The following XKR4 variants were observed in gnomAD, a reference collection of about 807,000 sequenced individuals.
The protein encoded by XKR4 is XK-related protein 4.
XKR4 carries 12 observed loss-of-function variants against 53.9 expected under a neutral mutation model. That is an observed-to-expected ratio of 0.22 (90% CI 0.14 to 0.36). The LOEUF is 0.36. XKR4 is among the 10% of genes least tolerant of loss of function. The probability of loss-of-function intolerance (pLI) is 1.00; values close to 1 mark genes in which losing one functional copy is unlikely to be tolerated. For missense variants in XKR4, 799 were observed against 859.5 expected (o/e 0.93, Z 0.88); for synonymous variants, 354 against 362.4 (o/e 0.98, Z 0.26).
chr8:55,451,895 C>G, intron 2 of XKR4: 1 of 837,502 alleles, frequency 1.2e-6, no homozygotes, highest in South Asian at 1.5e-5. Flanking sequence ...TCCAGCTCTT[C>G]CGACACTGAG....
At chr8:55,420,139 ATAGAT>A (rs1320570942) in intron 2 of XKR4, among the ~76,000 whole-genome samples, 5 of 152,044 alleles carry the variant, frequency 3.3e-5, no homozygotes, top group African/African-American at 1.2e-4. Context: ...CTACTGTCTT[ATAGAT>A]TAAATCTTTC....
intron 1 of XKR4, among the ~76,000 whole-genome samples, chr8:55,171,619 C>A (rs1201934664): frequency 1.3e-5 from 2 of 152,086 alleles, no homozygotes; most frequent in African/African-American, 2.4e-5. Context: ...CAAGATGAAT[C>A]CCTTCACCCT....
intron 2 of XKR4, among the ~76,000 whole-genome samples, chr8:55,398,054 T>A (rs1804547525): frequency 6.6e-6 from 1 of 152,222 alleles, no homozygotes; most frequent in South Asian, 2.1e-4. Context: ...AGAAATGTGA[T>A]AACAGATACA....
chr8:55,229,782 C>G (rs1404047815), intron 1 of XKR4, among the ~76,000 whole-genome samples: 1 of 152,154 alleles, frequency 6.6e-6, no homozygotes, highest in Admixed American at 6.5e-5. Context: ...GAAGCTTAGT[C>G]CTGCATTGCC....
chr8:55,337,303 A>G lies in XKR4; in HGVS notation c.807-20375A>G, dbSNP rs150667929. On this transcript the variant is annotated intron_variant, in intron 1 of 2. Transcript: ENST00000327381. ...GCTGGACCCTTGAAGAGAGTGCCCCATTAATCAAGTCATGGGGTTTTGTTT... is the reference window on the plus strand; with the variant it reads ...GCTGGACCCTTGAAGAGAGTGCCCCGTTAATCAAGTCATGGGGTTTTGTTT... 8.1e-3 allele frequency among the ~76,000 whole-genome samples: 1,233 copies of G among 152,320 alleles called. 11 individuals are homozygous for G. Among genetic ancestry groups the G allele is most frequent in the Middle Eastern group, 0.054 (16 of 294 alleles).
At chr8:55,197,644 C>T (rs976697548) in intron 1 of XKR4, among the ~76,000 whole-genome samples, 5 of 151,522 alleles carry the variant, frequency 3.3e-5, no homozygotes, top group African/African-American at 9.7e-5. Context: ...CCTGGGTTCA[C>T]GCCATTCTCC....
chr8:55,253,978 C>G (rs1031843011), intron 1 of XKR4, among the ~76,000 whole-genome samples: 3 of 151,910 alleles, frequency 2.0e-5, no homozygotes, highest in South Asian at 2.1e-4. Context: ...GCCTGGCCCC[C>G]CAAAGTGCTG....
At chr8:55,452,977 G>GCTTCTCA in intron 2 of XKR4, 1 of 714,614 alleles carries the variant, frequency 1.4e-6, no homozygotes, top group Middle Eastern at 2.4e-4. Flanking sequence ...CTCAGGGATG[G>GCTTCTCA]CCACAGGCAC....
chr8:55,444,626 C>G (rs2939628), intron 2 of XKR4, among the ~76,000 whole-genome samples: 108,651 of 152,150 alleles, frequency 0.71, 39,233 homozygotes, highest in African/African-American at 0.83. Context: ...GAATATACAT[C>G]AAAATCATTT....
At chr8:55,297,531 G>A (rs911440712) in intron 1 of XKR4, among the ~76,000 whole-genome samples, 2 of 152,136 alleles carry the variant, frequency 1.3e-5, no homozygotes, top group African/African-American at 4.8e-5. Context: ...CATATAATCT[G>A]GCCATGACCT....
At chr8:55,361,849 G>A (rs979387356) in intron 2 of XKR4, among the ~76,000 whole-genome samples, 3 of 151,846 alleles carry the variant, frequency 2.0e-5, no homozygotes, top group Admixed American at 6.6e-5. Flanking sequence ...GAATATTCTC[G>A]TCCCCTCACT....
At chr8:55,360,254 C>T (rs993370988) in intron 2 of XKR4, among the ~76,000 whole-genome samples, 7 of 152,282 alleles carry the variant, frequency 4.6e-5, no homozygotes, top group South Asian at 2.1e-4. Flanking sequence ...CTCCAGCCAA[C>T]GAAGACCAGC....
chr8:55,433,121 A>T (rs547813546), intron 2 of XKR4, among the ~76,000 whole-genome samples: 1 of 152,264 alleles, frequency 6.6e-6, no homozygotes, highest in African/African-American at 2.4e-5. Context: ...CACAGTAACA[A>T]TTTTTTTCCC....
chr8:55,379,887 C>A (rs916097335), intron 2 of XKR4, among the ~76,000 whole-genome samples: 5 of 152,202 alleles, frequency 3.3e-5, no homozygotes, highest in African/African-American at 9.7e-5. Context: ...GATTTCTCAG[C>A]CTTTCTGAGA....
At chr8:55,267,356 T>G (rs988918771) in intron 1 of XKR4, among the ~76,000 whole-genome samples, 2 of 152,210 alleles carry the variant, frequency 1.3e-5, no homozygotes, top group African/African-American at 4.8e-5. Context: ...CTGCATATAA[T>G]GTAAACTGCT....
chr8:55,300,969 T>A (rs1040693175), intron 1 of XKR4, among the ~76,000 whole-genome samples: 23 of 152,134 alleles, frequency 1.5e-4, no homozygotes, highest in African/African-American at 5.6e-4. Flanking sequence ...CTCACTGTTC[T>A]CATCAGACAC....
intron 2 of XKR4, among the ~76,000 whole-genome samples, chr8:55,443,150 TA>T (rs1337315940): frequency 2.0e-5 from 3 of 152,124 alleles, no homozygotes; most frequent in African/African-American, 7.2e-5. Context: ...CACTGATATA[TA>T]AAACAGCAAA....
At chr8:55,178,322 T>A (rs1255537348) in intron 1 of XKR4, among the ~76,000 whole-genome samples, 1 of 152,186 alleles carries the variant, frequency 6.6e-6, no homozygotes, top group Non-Finnish European at 1.5e-5. Flanking sequence ...CTATACCAGC[T>A]ATTGTGTGAT....
intron 1 of XKR4, among the ~76,000 whole-genome samples, chr8:55,258,229 GACAGGTTTT>G (rs143876291): frequency 1.4e-3 from 212 of 152,358 alleles, no homozygotes; most frequent in African/African-American, 4.9e-3. Flanking sequence ...GAAAGCGACA[GACAGGTTTT>G]ACAGAGCAAT....
Sources: gnomAD v4.1 joint callset for allele counts (sites outside exome capture counted in the v4.1 genomes callset) on GRCh38, gnomAD v4.1.1 for gene constraint, MANE v1.5 for transcripts, NCBI Gene and HGNC (gene_info 2026-07-23, HGNC 2026-07-21) for gene names.